FRMPD1: variants seen among roughly 807,000 people sequenced by gnomAD.
The protein encoded by FRMPD1 is FERM and PDZ domain containing 1, also known as FERM and PDZ domain-containing protein 1.
FRMPD1 carries 76 observed loss-of-function variants against 117.8 expected under a neutral mutation model. That is an observed-to-expected ratio of 0.65 (90% CI 0.54 to 0.78). FRMPD1 has a LOEUF of 0.78. FRMPD1 is among the 30% of genes least tolerant of loss of function. FRMPD1 has a pLI of 0.00. For synonymous variants in FRMPD1, 783 were observed against 770.4 expected, an observed-to-expected ratio of 1.02 and a Z score of -0.27; for missense variants, 1,786 against 1,964.5, an observed-to-expected ratio of 0.91 and a Z score of 1.72.
At chr9:37,696,975 AC>A (rs1387323466) in intron 2 of FRMPD1, among the ~76,000 whole-genome samples, 3 of 148,524 alleles carry the variant, frequency 2.0e-5, no homozygotes, top group African/African-American at 7.3e-5. Context: ...CAAATTGATA[AC>A]TTTTATACAC....
At position 37,735,683 on chromosome 9, in the gene FRMPD1, G is replaced by C; in HGVS notation, c.1350G>C (p.Thr450=). The C allele has an allele frequency of 6.2e-7, 1 of 1,613,522 alleles. No individual in the cohort carries two copies. The highest frequency in any genetic ancestry group is 8.5e-7 in the Non-Finnish European group (1 of 1,179,754). The change falls in exon 13 of 16, where the codon ACG becomes ACC. Residue 450 remains threonine (T), a synonymous_variant. Coordinates refer to ENST00000377765, the MANE Select transcript of FRMPD1 (RefSeq NM_014907.3). ...EFANISRVEL[T]EESEKVSVVK... is the part of the protein sequence containing the mutation. ...CAAACATCAGCCGTGTAGAGCTAAC[G>C]GAAGAGTCTGAGAAAGTGAGCGTCG...
intron 15 of FRMPD1, among the ~76,000 whole-genome samples, 197 bp from the exon 16 acceptor site, chr9:37,744,192 A>G (rs1824565598): frequency 6.6e-6 from 1 of 152,120 alleles, no homozygotes; most frequent in Non-Finnish European, 1.5e-5. Flanking sequence ...TCCGTCTCAA[A>G]AAAATAAAAA....
Position 37,740,504 on chromosome 9 carries a change from T to A in FRMPD1, c.1976T>A (p.Leu659Gln). ...GIETSGFLCL[L>Q]DLAQRANPQC... ...GAAACCAGTGGCTTCCTCTGTCTCCTGGACCTGGCCCAGAGAGCCAACCCC... is the reference window on the plus strand; with the variant it reads ...GAAACCAGTGGCTTCCTCTGTCTCCAGGACCTGGCCCAGAGAGCCAACCCC... The change falls in exon 15 of 16, where the codon CTG becomes CAG. Residue 659 changes from leucine (L) to glutamine (Q), a missense_variant. Leu to Gln is a moderately radical substitution (Grantham distance 113, BLOSUM62 -2). Transcript: ENST00000377765. This position sits in a 1 kb window ranked among gnomAD's most constrained non-coding sequence, Gnocchi z 4.2. The A allele has an allele frequency of 6.2e-7, 1 of 1,614,158 alleles. No homozygotes were observed. The highest frequency in any genetic ancestry group is 8.5e-7 in the Non-Finnish European group (1 of 1,180,010).
At chr9:37,728,663 A>G (rs890769272) in intron 7 of FRMPD1, among the ~76,000 whole-genome samples, 2 of 152,146 alleles carry the variant, frequency 1.3e-5, no homozygotes, top group African/African-American at 4.8e-5. Flanking sequence ...CTGGGGTTCA[A>G]AAGTGTCCCT....
intron 14 of FRMPD1, among the ~76,000 whole-genome samples, chr9:37,738,209 G>C (rs913541750): frequency 5.9e-5 from 9 of 152,234 alleles, no homozygotes; most frequent in African/African-American, 2.2e-4. Context: ...GGGAAGAGGT[G>C]ATCAATAGCA....
chr9:37,604,024 T>G, the FRMPD1 span, among the ~76,000 whole-genome samples: 1 of 152,136 alleles, frequency 6.6e-6, no homozygotes, highest in Non-Finnish European at 1.5e-5. Context: ...TATCTGTAAT[T>G]TAAGTGTTGG....
At chr9:37,624,881 C>T in the FRMPD1 span, among the ~76,000 whole-genome samples, 3 of 152,294 alleles carry the variant, frequency 2.0e-5, no homozygotes, top group African/African-American at 7.2e-5. Flanking sequence ...TGAACACATA[C>T]ACCCTTTCTC....
chr9:37,649,572 G>A (rs79220802), upstream of FRMPD1, among the ~76,000 whole-genome samples: 3,780 of 152,248 alleles, frequency 0.025, 71 homozygotes, highest in Non-Finnish European at 0.042. Context: ...CCTGGATTTG[G>A]AAATGAAGGT....
chr9:37,604,498 G>C, the FRMPD1 span, among the ~76,000 whole-genome samples: 1 of 152,238 alleles, frequency 6.6e-6, no homozygotes, highest in African/African-American at 2.4e-5. Context: ...GAAATATGTA[G>C]TCACAAGGTA....
intron 7 of FRMPD1, chr9:37,727,843 T>G (rs1056689401): frequency 6.6e-6 from 1 of 151,160 alleles, no homozygotes; most frequent in Non-Finnish European, 1.5e-5. Context: ...GAATCAGGAG[T>G]CATGAGGAGG....
At position 37,746,797 on chromosome 9, in the gene FRMPD1, C is replaced by G; in HGVS notation, c.*28C>G. 1 of 1,521,938 alleles carries G rather than the reference C, an allele frequency of 6.6e-7. No homozygotes were observed. Among genetic ancestry groups the G allele is most frequent in the African/African-American group, 1.4e-5 (1 of 73,244 alleles). The allele number at this position is 1,521,938 out of a possible 1,614,324, so 94.3% of individuals were successfully genotyped here. The stretch of plus-strand genomic sequence containing the variant: ...AGGTCAACGGCCCAAGGGCCTCCTG[C>G]CCTGTCCTGCCTTGGACACTTCCCT... On this transcript the variant is annotated 3_prime_UTR_variant, in exon 16 of 16. Coordinates refer to ENST00000377765, the MANE Select transcript of FRMPD1 (RefSeq NM_014907.3).
intron 1 of FRMPD1, among the ~76,000 whole-genome samples, chr9:37,667,443 C>T (rs960443017): frequency 6.7e-5 from 10 of 148,886 alleles, no homozygotes; most frequent in African/African-American, 1.7e-4. Context: ...GAGGCTGAGG[C>T]GGGCGGGTTG....
intron 1 of FRMPD1, among the ~76,000 whole-genome samples, chr9:37,671,223 T>G (rs1821339864): frequency 6.6e-6 from 1 of 152,260 alleles, no homozygotes; most frequent in Non-Finnish European, 1.5e-5. Context: ...CTCAAGGACT[T>G]ACTTTGTTAA....
At chr9:37,612,899 G>A in the FRMPD1 span, among the ~76,000 whole-genome samples, 6 of 152,302 alleles carry the variant, frequency 3.9e-5, no homozygotes, top group South Asian at 1.2e-3. Context: ...CTGCCACGGG[G>A]CAGAGGATGA....
intron 13 of FRMPD1, among the ~76,000 whole-genome samples, 189 bp from the exon 14 acceptor site, chr9:37,736,907 G>A (rs1489472498): frequency 6.6e-6 from 1 of 151,854 alleles, no homozygotes; most frequent in African/African-American, 2.4e-5. Context: ...ACGCGATGGT[G>A]TCTGTACGAG....
intron 1 of FRMPD1, among the ~76,000 whole-genome samples, chr9:37,664,519 G>A (rs1388673004): frequency 6.6e-6 from 1 of 151,580 alleles, no homozygotes; most frequent in Non-Finnish European, 1.5e-5. Flanking sequence ...CCCTCCCCGT[G>A]TCCATGTGTT....
chr9:37,714,760 C>T (rs1026195482), intron 5 of FRMPD1, among the ~76,000 whole-genome samples: 12 of 152,164 alleles, frequency 7.9e-5, no homozygotes, highest in African/African-American at 2.9e-4. Context: ...AATTCTCCCA[C>T]CTCAGTCCCC....
the FRMPD1 span, among the ~76,000 whole-genome samples, chr9:37,623,956 T>C: frequency 6.6e-6 from 1 of 152,262 alleles, no homozygotes; most frequent in East Asian, 1.9e-4. Context: ...TTTTTGCAGA[T>C]TAGGGTGATG....
At chr9:37,708,885 G>A (rs1260025653) in intron 4 of FRMPD1, among the ~76,000 whole-genome samples, 1 of 152,190 alleles carries the variant, frequency 6.6e-6, no homozygotes, top group Non-Finnish European at 1.5e-5. Flanking sequence ...TGCCAAATCT[G>A]TTCTTCTTTA....
Sources: allele counts gnomAD v4.1 joint callset (sites outside exome capture counted in the v4.1 genomes callset), GRCh38; gene constraint gnomAD v4.1.1; non-coding constraint Gnocchi (gnomAD v3.1); transcripts MANE v1.5; gene names NCBI Gene and HGNC (gene_info 2026-07-23, HGNC 2026-07-21).